FRMD4B: variants seen among roughly 807,000 people sequenced by gnomAD.
FRMD4B encodes FERM domain-containing protein 4B.
Under a neutral mutation model 141.5 loss-of-function variants are expected in FRMD4B, and 74 were observed. The ratio of observed to expected loss-of-function variants is 0.52; its 90% CI spans 0.43 to 0.63. The LOEUF is 0.63. FRMD4B is among the 30% of genes least tolerant of loss of function. The pLI, the probability that FRMD4B is intolerant of heterozygous loss-of-function variation, is 0.00. For synonymous variants in FRMD4B, 506 were observed against 467.9 expected (o/e 1.08, Z -1.05); for missense variants, 1,366 against 1,253.4 (o/e 1.09, Z -1.36).
chr3:69,398,269 T>C (rs1288504108), intron 2 of FRMD4B, among the ~76,000 whole-genome samples: 1 of 152,202 alleles, frequency 6.6e-6, no homozygotes, highest in African/African-American at 2.4e-5. Context: ...TTTTGTTTTA[T>C]TTTTTAATTG....
intron 2 of FRMD4B, among the ~76,000 whole-genome samples, chr3:69,429,750 C>CTTTT (rs60665985): frequency 6.0e-4 from 48 of 79,470 alleles, no homozygotes; most frequent in East Asian, 1.4e-3. Flanking sequence ...GAGACCTCTT[C>CTTTT]TTTTTTTTTT....
chr3:69,237,202 C>G (rs1176095943), intron 7 of FRMD4B, among the ~76,000 whole-genome samples: 1 of 151,954 alleles, frequency 6.6e-6, no homozygotes, highest in East Asian at 1.9e-4. Flanking sequence ...AATTGGAAAG[C>G]TAGGGAGGAA....
intron 1 of FRMD4B, among the ~76,000 whole-genome samples, chr3:69,452,580 G>C (rs908954321): frequency 5.3e-5 from 8 of 152,182 alleles, no homozygotes; most frequent in Non-Finnish European, 1.5e-5. Flanking sequence ...TCAAGTGAAT[G>C]AAAGAATCAT....
chr3:69,193,697 G>C lies in FRMD4B; in HGVS notation c.1665C>G (p.Tyr555Ter). The C allele has an allele frequency of 6.2e-7, 1 of 1,613,262 alleles. No homozygotes were observed. Among genetic ancestry groups the C allele is most frequent in the Non-Finnish European group, 8.5e-7 (1 of 1,179,500 alleles). ...LQEIENAINE[Y>*]RIRCGKKPSQ... is the part of the protein sequence containing the mutation. ...TGGGTTTCTTTCCACACCTAATTCG[G>C]TATTCGTTTATTGCATTTTCAATCT... Residue 555 changes from tyrosine to a stop codon, truncating the protein, a stop_gained, in exon 17 of 23, where the codon TAC becomes TAG. Coordinates refer to ENST00000398540, the MANE Select transcript of FRMD4B (RefSeq NM_015123.3). LOFTEE classifies it high-confidence loss of function.
chr3:69,311,894 G>A (rs988719786), intron 2 of FRMD4B, among the ~76,000 whole-genome samples: 1 of 152,042 alleles, frequency 6.6e-6, no homozygotes, highest in African/African-American at 2.4e-5. Context: ...CTTATAATGA[G>A]CTATGAGGCA....
chr3:69,313,009 G>A (rs1701652719), intron 2 of FRMD4B, among the ~76,000 whole-genome samples: 1 of 152,170 alleles, frequency 6.6e-6, no homozygotes, highest in Non-Finnish European at 1.5e-5. Context: ...GAGAAGCCTA[G>A]GCAGTTCACA....
At chr3:69,330,168 A>C (rs55958501) in intron 1 of FRMD4B, among the ~76,000 whole-genome samples, 3,470 of 151,970 alleles carry the variant, frequency 0.023, 118 homozygotes, top group African/African-American at 0.079. Flanking sequence ...ATATTTGTGG[A>C]ATGAACAAAT....
At chr3:69,265,111 C>T (rs2093552193) in intron 5 of FRMD4B, among the ~76,000 whole-genome samples, 3 of 150,132 alleles carry the variant, frequency 2.0e-5, no homozygotes, top group South Asian at 2.1e-4. Context: ...AAAAATTAGC[C>T]GGGGGCAGTG....
rs148620627 is a variant in FRMD4B, at chr3:69,455,064, C to T, written c.-128-22303G>A. 6.2e-4 allele frequency among the ~76,000 whole-genome samples: 94 copies of T among 152,326 alleles called. No individual in the cohort carries two copies. The East Asian group carries it at 0.014, about 23-fold the overall frequency. On this transcript the variant is annotated intron_variant, in intron 1 of 5. Coordinates refer to the FRMD4B transcript ENST00000459638. The stretch of plus-strand genomic sequence containing the variant: ...ATGTCTAGCTAAAGGATTGTAAATA[C>T]ACCAATCAGCACTCTGTGTCTAGCT...
intron 1 of FRMD4B, among the ~76,000 whole-genome samples, chr3:69,497,207 C>T (rs2107048456): frequency 6.6e-6 from 1 of 152,316 alleles, no homozygotes; most frequent in African/African-American, 2.4e-5. Flanking sequence ...AGCAGAGCCT[C>T]AGCTGACCTA....
intron 1 of FRMD4B, among the ~76,000 whole-genome samples, chr3:69,465,471 A>G (rs1182017094): frequency 6.6e-6 from 1 of 152,052 alleles, no homozygotes; most frequent in Non-Finnish European, 1.5e-5. Context: ...TACATGTGCC[A>G]TGTTTGCTTA....
chr3:69,406,800 A>T (rs1031875978), intron 2 of FRMD4B, among the ~76,000 whole-genome samples: 5 of 151,958 alleles, frequency 3.3e-5, no homozygotes, highest in Non-Finnish European at 7.4e-5. Flanking sequence ...TGGCTCAAAC[A>T]CAGCTCACCA....
At chr3:69,492,888 T>C (rs1706323925) in intron 1 of FRMD4B, among the ~76,000 whole-genome samples, 1 of 152,206 alleles carries the variant, frequency 6.6e-6, no homozygotes, top group African/African-American at 2.4e-5. Context: ...AGTCCTCTTG[T>C]TGGTCTTCTA....
Position 69,385,990 on chromosome 3 carries a change from G to T in FRMD4B, c.-1C>A. 1 of 1,585,714 alleles carries T rather than the reference G, an allele frequency of 6.3e-7. No individual in the cohort carries two copies. The highest frequency in any genetic ancestry group is 2.3e-5 in the East Asian group (1 of 43,074). ...CGCCACACATGAACACCGAAGCCATGCCTCCTCCTTCGCTCTGAACCCGGG... is the reference window on the plus strand; with the variant it reads ...CGCCACACATGAACACCGAAGCCATTCCTCCTCCTTCGCTCTGAACCCGGG... On this transcript the variant is annotated 5_prime_UTR_variant, in exon 1 of 23. Transcript: ENST00000398540.
chr3:69,265,392 T>C (rs2093556014), intron 5 of FRMD4B, among the ~76,000 whole-genome samples: 2 of 146,358 alleles, frequency 1.4e-5, no homozygotes, highest in African/African-American at 5.0e-5. Flanking sequence ...GTATGGTTTG[T>C]GCAATGCACT....
chr3:69,470,565 G>C (rs1037259983), intron 1 of FRMD4B, among the ~76,000 whole-genome samples: 4 of 152,176 alleles, frequency 2.6e-5, no homozygotes, highest in African/African-American at 9.6e-5. Context: ...TTCAGAGAAA[G>C]TTCATTGGTA....
chr3:69,504,383 T>C (rs968575839), intron 1 of FRMD4B, among the ~76,000 whole-genome samples: 2 of 152,194 alleles, frequency 1.3e-5, no homozygotes, highest in Non-Finnish European at 2.9e-5. Flanking sequence ...GTTTTTAGTG[T>C]ATTCAGAGTT....
intron 11 of FRMD4B, among the ~76,000 whole-genome samples, chr3:69,205,736 C>T (rs2093018339): frequency 1.3e-5 from 2 of 152,122 alleles, no homozygotes; most frequent in South Asian, 2.1e-4. Context: ...AACTATATGG[C>T]CCTAAATGTC....
intron 1 of FRMD4B, among the ~76,000 whole-genome samples, chr3:69,438,713 G>T (rs1705297977): frequency 6.6e-6 from 1 of 152,104 alleles, no homozygotes; most frequent in South Asian, 2.1e-4. Context: ...GGATGCTGGG[G>T]TCCTTGCCTG....
Sources: gnomAD v4.1 joint callset for allele counts (sites outside exome capture counted in the v4.1 genomes callset) on GRCh38, gnomAD v4.1.1 for gene constraint, MANE v1.5 for transcripts, NCBI Gene and HGNC (gene_info 2026-07-23, HGNC 2026-07-21) for gene names.